Variants in TENM3 observed in about 807,000 individuals in gnomAD.
TENM3 encodes the protein teneurin-3.
A neutral mutation model predicts 255.1 loss-of-function variants in TENM3; 63 were observed. The ratio of observed to expected loss-of-function variants is 0.25; its 90% CI spans 0.20 to 0.30. The LOEUF (loss-of-function observed/expected upper bound fraction) is 0.30. Among genes scored for constraint, TENM3 ranks in the 10% least tolerant of loss-of-function variants. TENM3 has a pLI of 1.00. For missense variants in TENM3, 2,929 were observed against 3,461.1 expected, an observed-to-expected ratio of 0.85 and a Z score of 3.86; for synonymous variants, 1,306 against 1,322.3, an observed-to-expected ratio of 0.99 and a Z score of 0.27.
chr4:182,015,371 G>A, the TENM3 span, among the ~76,000 whole-genome samples: 2 of 152,114 alleles, frequency 1.3e-5, no homozygotes, highest in Non-Finnish European at 2.9e-5. Context: ...TATCAGAGAT[G>A]GAGGAAAGAA....
At chr4:182,484,629 A>G (rs1734526362) in intron 3 of TENM3, among the ~76,000 whole-genome samples, 1 of 152,190 alleles carries the variant, frequency 6.6e-6, no homozygotes, top group Non-Finnish European at 1.5e-5. Flanking sequence ...AGATTCAGGA[A>G]TATTAATATT....
chr4:182,441,986 A>G (rs1772527559), intron 3 of TENM3, among the ~76,000 whole-genome samples: 1 of 152,214 alleles, frequency 6.6e-6, no homozygotes, highest in African/African-American at 2.4e-5. Flanking sequence ...GCAGGAAAAG[A>G]GTATTTACGG....
intron 1 of TENM3, among the ~76,000 whole-genome samples, chr4:182,269,819 T>A (rs2150209748): frequency 6.6e-6 from 1 of 152,220 alleles, no homozygotes; most frequent in East Asian, 1.9e-4. Flanking sequence ...CGGGGAACAG[T>A]CTCAAGGGAG....
chr4:182,161,783 ACAAATATATG>A lies in TENM3; in HGVS notation c.-76+17030_-76+17039del, dbSNP rs1255985378. 2.5e-3 allele frequency among the ~76,000 whole-genome samples: 112 copies of A among 45,258 alleles called. 21 individuals carry two copies. The highest frequency in any genetic ancestry group is 8.8e-3 in the African/African-American group (73 of 8,290). 29.7% of individuals were successfully genotyped at this position (45,258 alleles called of 152,430 possible). On this transcript the variant is annotated intron_variant, in intron 1 of 2. Transcript: ENST00000512480. ...CATATATATGTGTATATATATATAC[ACAAATATATG>A]TATATATATACACATATATATGTAT...
At chr4:182,364,785 T>C (rs1333784379) in intron 3 of TENM3, among the ~76,000 whole-genome samples, 1 of 152,230 alleles carries the variant, frequency 6.6e-6, no homozygotes, top group African/African-American at 2.4e-5. Context: ...AGTACTTTTT[T>C]CATGCCATGA....
At chr4:182,014,712 G>T in the TENM3 span, among the ~76,000 whole-genome samples, 1 of 152,082 alleles carries the variant, frequency 6.6e-6, no homozygotes, top group Non-Finnish European at 1.5e-5. Flanking sequence ...ATGGGGCACT[G>T]GGGAAGCGTT....
the TENM3 span, among the ~76,000 whole-genome samples, chr4:181,478,800 C>T: frequency 1.5e-4 from 23 of 152,178 alleles, no homozygotes; most frequent in Non-Finnish European, 3.4e-4. Flanking sequence ...TTCTACTTCA[C>T]CAGACAAAAT....
chr4:181,611,750 T>G, the TENM3 span, among the ~76,000 whole-genome samples: 98,658 of 152,114 alleles, frequency 0.65, 32,401 homozygotes, highest in East Asian at 0.73. Context: ...TACTAGAGAT[T>G]AAATATTTAC....
At chr4:181,625,106 G>A in the TENM3 span, among the ~76,000 whole-genome samples, 10 of 152,270 alleles carry the variant, frequency 6.6e-5, no homozygotes, top group South Asian at 4.1e-4. Context: ...CAAGGGTAGC[G>A]GAAATAGACT....
the TENM3 span, among the ~76,000 whole-genome samples, chr4:182,010,528 A>G: frequency 6.6e-6 from 1 of 151,954 alleles, no homozygotes. Flanking sequence ...AAGTGCTGTG[A>G]GTTAAAATAA....
At chr4:181,456,497 T>C in the TENM3 span, among the ~76,000 whole-genome samples, 1 of 151,922 alleles carries the variant, frequency 6.6e-6, no homozygotes, top group Non-Finnish European at 1.5e-5. Flanking sequence ...TTTATTTTGA[T>C]AGCTTTTAGG....
chr4:181,707,255 G>T, the TENM3 span, among the ~76,000 whole-genome samples: 2 of 152,294 alleles, frequency 1.3e-5, no homozygotes, highest in South Asian at 4.1e-4. Flanking sequence ...GTCTGGAAAT[G>T]GAAGGCTGCT....
At chr4:182,209,208 T>A (rs1249041297) in intron 1 of TENM3, among the ~76,000 whole-genome samples, 1 of 151,686 alleles carries the variant, frequency 6.6e-6, no homozygotes, top group African/African-American at 2.4e-5. Flanking sequence ...CCTCAAGTGA[T>A]CTACCCTCCT....
chr4:182,578,474 TTGATAGGTGCTG>T (rs370513153), intron 3 of TENM3, among the ~76,000 whole-genome samples: 221 of 96,114 alleles, frequency 2.3e-3, no homozygotes, highest in African/African-American at 7.8e-3. Context: ...TGATAGGTGC[TTGATAGGTGCTG>T]TGATAGGTGC....
intron 1 of TENM3, among the ~76,000 whole-genome samples, chr4:182,247,619 A>G (rs2150099105): frequency 6.6e-6 from 1 of 152,288 alleles, no homozygotes; most frequent in Middle Eastern, 3.4e-3. Context: ...TTTTCTGTCC[A>G]TGTTATATCT....
At chr4:182,653,672 T>G in intron 5 of TENM3, 99 bp from the exon 6 acceptor site, 2 of 1,336,926 alleles carry the variant, frequency 1.5e-6, no homozygotes, top group Non-Finnish European at 2.0e-6. Flanking sequence ...AAATGGAAAT[T>G]GTAACTTTAC....
At chr4:182,127,498 G>C in the TENM3 span, among the ~76,000 whole-genome samples, 1 of 152,182 alleles carries the variant, frequency 6.6e-6, no homozygotes, top group South Asian at 2.1e-4. Flanking sequence ...TGCTTCAAAA[G>C]GGAACTGAAC....
chr4:182,491,391 G>A (rs1372284169), intron 3 of TENM3, among the ~76,000 whole-genome samples: 1 of 151,442 alleles, frequency 6.6e-6, no homozygotes, highest in Non-Finnish European at 1.5e-5. Context: ...TGAAATTTAT[G>A]TGTGTGTGTG....
Position 182,318,673 on chromosome 4 carries a change from A to G in TENM3, c.-75-5273A>G, listed in dbSNP as rs186704102. ...TGGTTTCCAGAGGAGTGCTATGGTT[A>G]GTAGCTGAGTTGCGTTTCAAGGAGC... On this transcript the variant is annotated intron_variant, in intron 1 of 27. Transcript: ENST00000511685. 2.4e-3 allele frequency among the ~76,000 whole-genome samples: 364 copies of G among 152,310 alleles called. 3 individuals carry two copies. Among genetic ancestry groups the G allele is most frequent in the South Asian group, 2.1e-3 (10 of 4,824 alleles).
Sources: gnomAD v4.1 joint callset for allele counts (sites outside exome capture counted in the v4.1 genomes callset) on GRCh38, gnomAD v4.1.1 for gene constraint, MANE v1.5 for transcripts, NCBI Gene and HGNC (gene_info 2026-07-23, HGNC 2026-07-21) for gene names.